SEC14L5: variants seen among roughly 807,000 people sequenced by gnomAD.
The protein encoded by SEC14L5 is SEC14-like protein 5.
Under a neutral mutation model 84.6 loss-of-function variants are expected in SEC14L5, and 96 were observed. That is an observed-to-expected ratio of 1.13 (90% confidence interval 0.96 to 1.34). The LOEUF (loss-of-function observed/expected upper bound fraction) is 1.34, where lower values mean the gene tolerates loss of function less well. Ranked by LOEUF, SEC14L5 falls within the 40% of genes most tolerant of loss-of-function variation. The pLI is 0.00. For missense variants in SEC14L5, 1,224 were observed against 942.5 expected, an observed-to-expected ratio of 1.30 and a Z score of -3.91; for synonymous variants, 546 against 383.4, an observed-to-expected ratio of 1.42 and a Z score of -4.95.
chr16:4,997,017 G>C lies in SEC14L5; in HGVS notation c.943G>C (p.Ala315Pro), dbSNP rs1176591929. The change falls in exon 8 of 16, where the codon GCA becomes CCA. Residue 315 changes from alanine to proline, a missense_variant. Physicochemically the swap from Ala to Pro is conservative, Grantham distance 27. Coordinates refer to ENST00000251170, the MANE Select transcript of SEC14L5 (RefSeq NM_014692.2). ...CCCTGCCCTGCTGGAGGAGTTCTAT[G>C]CAGGGGGCTGGCATTACCAGGACAT... ...QPPALLEEFY[A>P]GGWHYQDIDG... 2 of 1,612,372 alleles carry C rather than the reference G, an allele frequency of 1.2e-6. No homozygotes were observed. Among genetic ancestry groups the C allele is most frequent in the African/African-American group, 1.3e-5 (1 of 74,860 alleles).
intron 15 of SEC14L5, among the ~76,000 whole-genome samples, chr16:5,012,111 A>G (rs1350255440): frequency 1.3e-5 from 2 of 152,128 alleles, no homozygotes; most frequent in African/African-American, 4.8e-5. Context: ...GGGCACCCAG[A>G]GTGAAGAACA....
At chr16:4,999,750 C>A (rs1469421097) in intron 8 of SEC14L5, among the ~76,000 whole-genome samples, 2 of 151,642 alleles carry the variant, frequency 1.3e-5, no homozygotes, top group East Asian at 3.9e-4. Context: ...CCTGTCTCTA[C>A]TAAAAATACC....
chr16:5,009,290 C>G (rs1274386849), intron 14 of SEC14L5, among the ~76,000 whole-genome samples: 1 of 152,138 alleles, frequency 6.6e-6, no homozygotes, highest in Admixed American at 6.6e-5. Context: ...CTAGCCATCA[C>G]AGTTAGGCCC....
At chr16:4,986,736 C>T (rs968283968) in intron 2 of SEC14L5, among the ~76,000 whole-genome samples, 7 of 152,110 alleles carry the variant, frequency 4.6e-5, no homozygotes, top group Non-Finnish European at 8.8e-5. Flanking sequence ...TCAGAGTATA[C>T]ATTTTACACT....
At chr16:4,977,348 G>A (rs759598408) in intron 2 of SEC14L5, among the ~76,000 whole-genome samples, 13 of 147,820 alleles carry the variant, frequency 8.8e-5, no homozygotes, top group Admixed American at 1.4e-4. Flanking sequence ...TTGGGAGGCC[G>A]AGGCAGGAGA....
chr16:4,997,060 C>A lies in SEC14L5; in HGVS notation c.970+16C>A. 6.3e-7 allele frequency: 1 copy of A among 1,586,590 alleles called. No homozygotes were observed. Among genetic ancestry groups the A allele is most frequent in the South Asian group, 1.1e-5 (1 of 87,732 alleles). On this transcript the variant is annotated intron_variant, in intron 8 of 15. Transcript: ENST00000251170. ...CAGGACATAGGTGCGTGCCTCCACC[C>A]ACATCATGTATAGGGCATACTTTGG...
At position 4,984,424 on chromosome 16, in the gene SEC14L5, T is replaced by C. The variant is rs76596502; in HGVS notation, c.64-3133T>C. Among the ~76,000 whole-genome samples the C allele has an allele frequency of 6.4e-4, 97 of 152,392 alleles. 2 individuals are homozygous for C. The East Asian group carries it at 0.018, about 28-fold the overall frequency. ...ATTTTATGGCTAGACCACCACTGAT[T>C]TATTCCCTCATCCGTTGATGGACAT... On this transcript the variant is annotated intron_variant, in intron 2 of 15. Transcript: ENST00000251170.
At chr16:4,981,081 G>GC (rs1955417736) in intron 2 of SEC14L5, among the ~76,000 whole-genome samples, 2 of 128 alleles carry the variant, frequency 0.016, no homozygotes, top group Non-Finnish European at 0.2. Flanking sequence ...CATAAAGAGT[G>GC]CAGGTTTATT....
intron 10 of SEC14L5, among the ~76,000 whole-genome samples, chr16:5,002,953 G>A (rs755746659): frequency 6.6e-6 from 1 of 152,228 alleles, no homozygotes; most frequent in Non-Finnish European, 1.5e-5. Context: ...TGATGACCTT[G>A]AGCAGTAGGA....
In SEC14L5 at chr16:5,008,593, G is replaced by T. The variant is rs1955762413; in HGVS notation, c.1745G>T (p.Arg582Met). 1 of 1,606,712 alleles carries T rather than the reference G, an allele frequency of 6.2e-7. No homozygotes were observed. Among genetic ancestry groups the T allele is most frequent in the South Asian group, 1.1e-5 (1 of 89,956 alleles). The change falls in exon 14 of 16, where the codon AGG (arginine) becomes ATG (methionine). Residue 582 changes from arginine to methionine, a missense_variant. Coordinates refer to ENST00000251170, the MANE Select transcript of SEC14L5 (RefSeq NM_014692.2). ...ATCGACAAAGGCTGGGTCCTGGGCA[G>T]GGATTACAGCCGTGTGGAGGCTCCC... The part of the protein sequence containing the change: ...QLIDKGWVLG[R>M]DYSRVEAPLV...
rs58882220 is a variant in SEC14L5, at chr16:4,981,255, GTTTTTTTTTTTTTTTT to G, written c.64-6289_64-6274del. Among the ~76,000 whole-genome samples, 12 of 92,932 alleles carry G rather than the reference GTTTTTTTTTTTTTTTT, an allele frequency of 1.3e-4. No individual in the cohort carries two copies. The South Asian group carries it at 1.3e-3, about 10-fold the overall frequency. The allele number at this position is 92,932 out of a possible 152,430, so 61.0% of individuals were successfully genotyped here. A position where few individuals can be genotyped will look rare whatever the true frequency, so the allele number is the denominator to read the frequency against. On this transcript the variant is annotated intron_variant, in intron 2 of 15. Transcript: ENST00000251170. ...ATGCACCAGCACGTCTAGCTAATTGGTTTTTTTTTTTTTTTTTTTTTTTTTTTTGTATTTTTAGAAG... is the reference window on the plus strand; with the variant it reads ...ATGCACCAGCACGTCTAGCTAATTGGTTTTTTTTTTTTGTATTTTTAGAAG...
chr16:4,981,247 G>A (rs1015939322), intron 2 of SEC14L5, among the ~76,000 whole-genome samples: 5 of 140,242 alleles, frequency 3.6e-5, no homozygotes, highest in African/African-American at 1.3e-4. Flanking sequence ...AGCACGTCTA[G>A]CTAATTGGTT....
intron 6 of SEC14L5, among the ~76,000 whole-genome samples, chr16:4,992,273 C>T (rs573948914): frequency 3.9e-5 from 6 of 152,234 alleles, no homozygotes; most frequent in Middle Eastern, 3.4e-3. Flanking sequence ...TTTTTTGAGA[C>T]GGAGTCCCCC....
Position 4,959,316 on chromosome 16 carries a change from G to C in SEC14L5, c.-8G>C, listed in dbSNP as rs1421062333. On this transcript the variant is annotated 5_prime_UTR_variant, in exon 2 of 16. Transcript: ENST00000251170. Reference sequence around the variant, plus strand: ...CCTGGTGACCTCCATTGGTGCTCCAGCGTGAACATGGTGCAAAGATACCAG... The same window carrying C: ...CCTGGTGACCTCCATTGGTGCTCCACCGTGAACATGGTGCAAAGATACCAG... 2.5e-5 allele frequency: 40 copies of C among 1,612,766 alleles called. No individual in the cohort carries two copies. The highest frequency in any genetic ancestry group is 4.4e-5 in the South Asian group (4 of 91,064).
chr16:4,964,107 G>A (rs1432525754), intron 2 of SEC14L5, among the ~76,000 whole-genome samples: 1 of 152,232 alleles, frequency 6.6e-6, no homozygotes, highest in Non-Finnish European at 1.5e-5. Flanking sequence ...CAGTGTTGGA[G>A]AGGGTCCGTC....
intron 8 of SEC14L5, among the ~76,000 whole-genome samples, chr16:4,997,459 T>G (rs369402025): frequency 2.0e-5 from 3 of 152,158 alleles, no homozygotes; most frequent in Non-Finnish European, 4.4e-5. Context: ...CTTTTGACTC[T>G]TCCAGGCATC....
intron 6 of SEC14L5, among the ~76,000 whole-genome samples, chr16:4,994,505 G>C (rs1328857122): frequency 6.6e-6 from 1 of 152,030 alleles, no homozygotes; most frequent in Non-Finnish European, 1.5e-5. Flanking sequence ...CATCATTCCC[G>C]GCTAATTTTT....
chr16:5,000,799 CTG>C (rs1276156471), intron 9 of SEC14L5, 54 bp from the exon 10 acceptor site: 2 of 1,565,374 alleles, frequency 1.3e-6, no homozygotes, highest in South Asian at 2.3e-5. Context: ...CTGGGAAGGA[CTG>C]TGTGGGGTAA....
chr16:4,999,545 G>C (rs1015544867), intron 8 of SEC14L5, among the ~76,000 whole-genome samples: 1 of 152,022 alleles, frequency 6.6e-6, no homozygotes, highest in African/African-American at 2.4e-5. Context: ...GTTTAAGCTG[G>C]GGAGGTTCAG....
Sources: allele counts gnomAD v4.1 joint callset (sites outside exome capture counted in the v4.1 genomes callset), GRCh38; gene constraint gnomAD v4.1.1; transcripts MANE v1.5; gene names NCBI Gene and HGNC (gene_info 2026-07-23, HGNC 2026-07-21).